Variants in PACC1 observed in about 807,000 individuals in gnomAD.
PACC1 encodes the protein proton-activated chloride channel.
A neutral mutation model predicts 39.7 loss-of-function variants in PACC1; 34 were observed. The observed-to-expected ratio is 0.86, with a 90% CI of 0.65 to 1.14. The LOEUF (loss-of-function observed/expected upper bound fraction) is 1.14, where lower values mean the gene tolerates loss of function less well. PACC1 is among the 50% of genes most tolerant of loss of function. The probability of loss-of-function intolerance (pLI) is 0.00; values close to 1 mark genes in which losing one functional copy is unlikely to be tolerated. For synonymous variants in PACC1, 127 were observed against 160.6 expected, an observed-to-expected ratio of 0.79 and a Z score of 1.58; for missense variants, 379 against 436.4, an observed-to-expected ratio of 0.87 and a Z score of 1.17.
At chr1:212,365,441 T>C in intron 7 of PACC1, 65 bp from the exon 8 acceptor site, 3 of 1,501,506 alleles carry the variant, frequency 2.0e-6, no homozygotes, top group Non-Finnish European at 2.7e-6. Context: ...TTTTTTTTTT[T>C]TTTTTTTGAG....
intron 2 of PACC1, among the ~76,000 whole-genome samples, chr1:212,400,849 A>T (rs1661685105): frequency 1.3e-5 from 2 of 152,200 alleles, no homozygotes; most frequent in Admixed American, 1.3e-4. Flanking sequence ...CAAAACCCCA[A>T]ACTTGCCCCA....
intron 2 of PACC1, among the ~76,000 whole-genome samples, chr1:212,398,307 G>A (rs575815046): frequency 3.9e-5 from 6 of 152,272 alleles, no homozygotes; most frequent in African/African-American, 1.4e-4. Flanking sequence ...CATGTTTGTC[G>A]AATGAATAAA....
At chr1:212,380,969 T>G (rs1042637283) in intron 4 of PACC1, among the ~76,000 whole-genome samples, 2 of 152,246 alleles carry the variant, frequency 1.3e-5, no homozygotes, top group Non-Finnish European at 2.9e-5. Flanking sequence ...TACATCAACT[T>G]TTATAAATAA....
Position 212,410,527 on chromosome 1 carries a change from G to C in PACC1, c.37-6C>G, listed in dbSNP as rs1340497426. 1 of 1,613,812 alleles carries C rather than the reference G, an allele frequency of 6.2e-7. No homozygotes were observed. The highest frequency in any genetic ancestry group is 8.5e-7 in the Non-Finnish European group (1 of 1,179,676). On this transcript the variant is annotated splice_region_variant and splice_polypyrimidine_tract_variant and intron_variant, in intron 1 of 7. Coordinates refer to ENST00000261455, the MANE Select transcript of PACC1 (RefSeq NM_018252.3). ...TGGACCAACTCCTCACTCAGCTAAA[G>C]GGAGAAGCAAAGAGAGCAAAGACAA...
chr1:212,365,091 G>T lies in PACC1; in HGVS notation c.*124C>A. The T allele has an allele frequency of 1.0e-6, 1 of 987,700 alleles. No individual in the cohort carries two copies. The highest frequency in any genetic ancestry group is 1.4e-6 in the Non-Finnish European group (1 of 692,576). The allele number at this position is 987,700 out of a possible 1,614,324, so 61.2% of individuals were successfully genotyped here. ...GTTAGAAGTTCCAGTTTTACATGCT[G>T]TTCCTCCCAGCAAGGCCCCATTTCT... On this transcript the variant is annotated 3_prime_UTR_variant, in exon 8 of 8. Transcript: ENST00000261455.
chr1:212,377,366 G>A (rs1660702590), intron 6 of PACC1, among the ~76,000 whole-genome samples, 196 bp downstream of exon 6: 3 of 152,148 alleles, frequency 2.0e-5, no homozygotes, highest in African/African-American at 7.2e-5. Flanking sequence ...CGGTATGTGC[G>A]CTGCCTGCAG....
chr1:212,396,660 T>TAG (rs1318975037), intron 2 of PACC1, among the ~76,000 whole-genome samples: 1 of 136,778 alleles, frequency 7.3e-6, no homozygotes, highest in Non-Finnish European at 1.6e-5. Context: ...GACAACAACT[T>TAG]ACAGATCCAA....
intron 2 of PACC1, among the ~76,000 whole-genome samples, chr1:212,395,358 C>T (rs1156581579): frequency 1.1e-4 from 16 of 152,200 alleles, no homozygotes; most frequent in African/African-American, 2.9e-4. Flanking sequence ...ATTTAACAAA[C>T]GATGCTGGGA....
intron 7 of PACC1, among the ~76,000 whole-genome samples, chr1:212,366,971 G>T (rs138935490): frequency 6.6e-6 from 1 of 152,200 alleles, no homozygotes; most frequent in Non-Finnish European, 1.5e-5. Context: ...ATCACATCAG[G>T]ATATATTATG....
At chr1:212,385,565 G>A (rs1357018161) in intron 3 of PACC1, 140 bp from the exon 4 acceptor site, 4 of 885,058 alleles carry the variant, frequency 4.5e-6, no homozygotes, top group Non-Finnish European at 7.0e-6. Flanking sequence ...GGGTTTCAGA[G>A]GGTGAGGAGC....
chr1:212,376,490 T>C (rs1430579706), intron 6 of PACC1, among the ~76,000 whole-genome samples: 2 of 152,106 alleles, frequency 1.3e-5, no homozygotes, highest in East Asian at 1.9e-4. Context: ...CCAGGGTAGA[T>C]GGGGTTGAAC....
In PACC1 at chr1:212,379,989, G is replaced by A. The variant is rs748089835; in HGVS notation, c.544C>T (p.Leu182=). ...TTCAGGCGGAACTGGAGGAAGACCAGCTCCCGCTTTTTCACTTCCCGGGGC... is the reference window on the plus strand; with the variant it reads ...TTCAGGCGGAACTGGAGGAAGACCAACTCCCGCTTTTTCACTTCCCGGGGC... The part of the protein sequence containing the change: ...QGPREVKKRE[L]VFLQFRLNKS... Residue 182 remains leucine, a synonymous_variant, in exon 5 of 8, where the codon CTG becomes TTG. Coordinates refer to ENST00000261455, the MANE Select transcript of PACC1 (RefSeq NM_018252.3). 3 of 1,614,064 alleles carry A rather than the reference G, an allele frequency of 1.9e-6. No individual in the cohort carries two copies. Among genetic ancestry groups the A allele is most frequent in the Non-Finnish European group, 2.5e-6 (3 of 1,180,034 alleles).
Position 212,380,002 on chromosome 1 carries a change from C to T in PACC1, c.531G>A (p.Val177=). ...SALIVQGPRE[V]KKRELVFLQF... ...GGAGGAAGACCAGCTCCCGCTTTTT[C>T]ACTTCCCGGGGCCCCTGGACAATCA... is the stretch of plus-strand genomic sequence containing the variant. Residue 177 remains valine, a synonymous_variant, in exon 5 of 8, where the codon GTG becomes GTA. Transcript: ENST00000261455. The T allele has an allele frequency of 6.2e-7, 1 of 1,614,198 alleles. No individual in the cohort carries two copies. The highest frequency in any genetic ancestry group is 8.5e-7 in the Non-Finnish European group (1 of 1,180,022).
intron 2 of PACC1, among the ~76,000 whole-genome samples, chr1:212,402,035 T>C (rs1297639987): frequency 6.6e-6 from 1 of 152,246 alleles, no homozygotes; most frequent in Non-Finnish European, 1.5e-5. Flanking sequence ...ATTTTACTTA[T>C]CCATTCATCA....
intron 7 of PACC1, among the ~76,000 whole-genome samples, chr1:212,366,745 T>C (rs1001069341): frequency 2.6e-5 from 4 of 152,200 alleles, no homozygotes; most frequent in African/African-American, 9.7e-5. Flanking sequence ...AAAAATGTTT[T>C]ATCACACATT....
chr1:212,369,454 G>A lies in PACC1; in HGVS notation c.892-4078C>T, dbSNP rs117732480. ...ACCCAACGGTATGCTGCCATACAGCGTATAGTTCACCTGTAAAGATACACA... is the reference window on the plus strand; with the variant it reads ...ACCCAACGGTATGCTGCCATACAGCATATAGTTCACCTGTAAAGATACACA... On this transcript the variant is annotated intron_variant, in intron 7 of 7. Coordinates refer to ENST00000261455, the MANE Select transcript of PACC1 (RefSeq NM_018252.3). Among the ~76,000 whole-genome samples, 418 of 152,266 alleles carry A rather than the reference G, an allele frequency of 2.7e-3. 14 individuals are homozygous for A. The East Asian group carries it at 0.062, about 23-fold the overall frequency.
intron 2 of PACC1, among the ~76,000 whole-genome samples, chr1:212,401,881 G>A (rs540519556): frequency 6.6e-5 from 10 of 152,070 alleles, no homozygotes; most frequent in African/African-American, 2.2e-4. Context: ...CACCATGTTG[G>A]TCAGACTGGT....
chr1:212,390,621 T>C (rs917911405), intron 2 of PACC1, among the ~76,000 whole-genome samples: 2 of 151,408 alleles, frequency 1.3e-5, no homozygotes, highest in African/African-American at 2.4e-5. Context: ...GCGCACCGAG[T>C]GTGAGCTGAA....
chr1:212,380,111 A>T, intron 4 of PACC1, 74 bp from the exon 5 acceptor site: 8 of 1,512,570 alleles, frequency 5.3e-6, no homozygotes, highest in Non-Finnish European at 7.2e-6. Flanking sequence ...GGGCAGAAGT[A>T]CTGACTGGAA....
Sources: gnomAD v4.1 joint callset for allele counts (sites outside exome capture counted in the v4.1 genomes callset) on GRCh38, gnomAD v4.1.1 for gene constraint, MANE v1.5 for transcripts, NCBI Gene and HGNC (gene_info 2026-07-23, HGNC 2026-07-21) for gene names.